KDM7A: variants seen among roughly 807,000 people sequenced by gnomAD.
KDM7A encodes the protein lysine demethylase 7A.
In KDM7A, 28 loss-of-function variants were observed where a neutral mutation model predicts 114.8. That is an observed-to-expected ratio of 0.24 (90% CI 0.18 to 0.33). KDM7A has a LOEUF of 0.33. KDM7A is among the 10% of genes least tolerant of loss of function. The pLI is 1.00. For missense variants in KDM7A, 942 were observed against 1,142.5 expected, an observed-to-expected ratio of 0.82 and a Z score of 2.53; for synonymous variants, 423 against 397.8, an observed-to-expected ratio of 1.06 and a Z score of -0.75.
At chr7:140,092,725 A>T (rs2116733895) in intron 18 of KDM7A, among the ~76,000 whole-genome samples, 1 of 152,328 alleles carries the variant, frequency 6.6e-6, no homozygotes, top group Non-Finnish European at 1.5e-5. Flanking sequence ...TGAATGTTTC[A>T]TGAAACCAGT....
intron 9 of KDM7A, among the ~76,000 whole-genome samples, chr7:140,118,772 ACATAAACTG>A (rs1818573096): frequency 2.0e-5 from 3 of 152,118 alleles, no homozygotes; most frequent in African/African-American, 7.2e-5. Flanking sequence ...CAGTCTCTTG[ACATAAACTG>A]CATTTTTGAG....
At chr7:140,133,116 C>A (rs1192053841) in intron 3 of KDM7A, among the ~76,000 whole-genome samples, 2 of 152,090 alleles carry the variant, frequency 1.3e-5, no homozygotes, top group African/African-American at 4.8e-5. Flanking sequence ...GGATGTAGGG[C>A]AGAGATGCAT....
chr7:140,172,505 T>G (rs1794656887), intron 1 of KDM7A, among the ~76,000 whole-genome samples: 3 of 151,744 alleles, frequency 2.0e-5, no homozygotes, highest in Non-Finnish European at 4.4e-5. Flanking sequence ...TACAAAAAAT[T>G]AGCTGGGCGC....
At chr7:140,160,887 C>T (rs1794511722) in intron 1 of KDM7A, among the ~76,000 whole-genome samples, 1 of 152,102 alleles carries the variant, frequency 6.6e-6, no homozygotes, top group Admixed American at 6.5e-5. Flanking sequence ...GGAAAGATGT[C>T]CCTGAACCAA....
chr7:140,153,117 C>G (rs146115731), intron 1 of KDM7A, among the ~76,000 whole-genome samples: 3,193 of 152,038 alleles, frequency 0.021, 116 homozygotes, highest in African/African-American at 0.073. Context: ...CTCGGCCTCC[C>G]AAAGTGCTGG....
At chr7:140,139,732 A>AT (rs1491143661) in intron 1 of KDM7A, among the ~76,000 whole-genome samples, 2 of 152,238 alleles carry the variant, frequency 1.3e-5, no homozygotes, top group African/African-American at 2.4e-5. Context: ...AATCAATGAC[A>AT]TAAAAAACAC....
chr7:140,163,826 C>T (rs1367423492), intron 1 of KDM7A, among the ~76,000 whole-genome samples: 1 of 151,868 alleles, frequency 6.6e-6, no homozygotes, highest in Non-Finnish European at 1.5e-5. Flanking sequence ...TTAATTTTGC[C>T]TCTCCTACAC....
At chr7:140,092,229 C>T in intron 18 of KDM7A, 152 bp from the exon 19 acceptor site, 1 of 680,050 alleles carries the variant, frequency 1.5e-6, no homozygotes, top group Admixed American at 2.8e-5. Context: ...ACCACTCCTG[C>T]ATGATGTCGT....
chr7:140,100,660 TTATATA>T (rs1244353345), intron 12 of KDM7A, among the ~76,000 whole-genome samples: 16 of 111,282 alleles, frequency 1.4e-4, no homozygotes, highest in African/African-American at 2.1e-4. Context: ...TTTTAAAAAG[TTATATA>T]TATATATATA....
intron 1 of KDM7A, among the ~76,000 whole-genome samples, chr7:140,161,458 T>C (rs571335947): frequency 2.0e-5 from 3 of 152,348 alleles, no homozygotes; most frequent in Middle Eastern, 3.4e-3. Flanking sequence ...AACTATTCTG[T>C]AGGGTTCCAG....
At position 140,133,409 on chromosome 7, in the gene KDM7A, G is replaced by T; in HGVS notation, c.398+130C>A. On this transcript the variant is annotated intron_variant, in intron 3 of 19. Coordinates refer to ENST00000397560, the MANE Select transcript of KDM7A (RefSeq NM_030647.2). The stretch of plus-strand genomic sequence containing the variant: ...TCTATTTCGTTAAGGAAGAAAAAAG[G>T]TGAAAAGCTGGCTGAGGACAATAAT... 5.4e-6 allele frequency: 3 copies of T among 553,400 alleles called. No individual in the cohort carries two copies. The South Asian group carries it at 8.8e-5, about 16-fold the overall frequency. The allele number at this position is 553,400 out of a possible 1,614,324, so 34.3% of individuals were successfully genotyped here.
At chr7:140,171,597 A>G (rs2116861886) in intron 1 of KDM7A, among the ~76,000 whole-genome samples, 1 of 141,572 alleles carries the variant, frequency 7.1e-6, no homozygotes, top group East Asian at 2.0e-4. Context: ...ATATAGTTGT[A>G]TTTATATATT....
At chr7:140,172,603 A>G (rs189316415) in intron 1 of KDM7A, among the ~76,000 whole-genome samples, 1 of 152,224 alleles carries the variant, frequency 6.6e-6, no homozygotes, top group Non-Finnish European at 1.5e-5. Context: ...CAGGGAGCTG[A>G]GATTGCGCCA....
At chr7:140,104,726 T>C (rs908358116) in intron 11 of KDM7A, among the ~76,000 whole-genome samples, 18 of 152,256 alleles carry the variant, frequency 1.2e-4, no homozygotes, top group Non-Finnish European at 2.5e-4. Context: ...TCAGGTAGCA[T>C]GATGCCTCCA....
intron 7 of KDM7A, among the ~76,000 whole-genome samples, chr7:140,120,798 G>A (rs781572228): frequency 3.9e-5 from 6 of 151,938 alleles, no homozygotes; most frequent in African/African-American, 1.5e-4. Flanking sequence ...ATAGAGATGG[G>A]GTCTCACTTT....
rs1161454131 is a variant in KDM7A, at chr7:140,176,915, A to ACCGCCGCCG, written c.14_22dup (p.Ala5_Ala7dup). 1 of 1,164,922 alleles carries ACCGCCGCCG rather than the reference A, an allele frequency of 8.6e-7. No individual in the cohort carries two copies. Among genetic ancestry groups the ACCGCCGCCG allele is most frequent in the African/African-American group, 1.7e-5 (1 of 60,124 alleles). 72.2% of individuals were successfully genotyped at this position (1,164,922 alleles called of 1,614,324 possible). A position where few individuals can be genotyped will look rare whatever the true frequency, so the allele number is the denominator to read the frequency against. Reference sequence around the variant, plus strand: ...GGCTCCAGCTGCTGCTCCCGCGGCCACCGCCGCCGCCGCTCCGGCCATCTT... The same window carrying ACCGCCGCCG: ...GGCTCCAGCTGCTGCTCCCGCGGCCACCGCCGCCGCCGCCGCCGCCGCTCCGGCCATCTT... On this transcript the variant is annotated inframe_insertion, in exon 1 of 20. Transcript: ENST00000397560. This position sits in a 1 kb window ranked among gnomAD's most constrained non-coding sequence, Gnocchi z 4.4.
intron 1 of KDM7A, among the ~76,000 whole-genome samples, chr7:140,156,293 T>C (rs982007451): frequency 1.3e-5 from 2 of 152,194 alleles, no homozygotes; most frequent in East Asian, 1.9e-4. Flanking sequence ...CACACAGACA[T>C]AGGTAAATGA....
At chr7:140,097,416 A>G in intron 15 of KDM7A, 129 bp downstream of exon 15, 1 of 577,446 alleles carries the variant, frequency 1.7e-6, no homozygotes, top group Admixed American at 3.4e-5. Flanking sequence ...ACCACAGAAG[A>G]CCCTGTGCTA....
At chr7:140,155,053 T>G (rs957564317) in intron 1 of KDM7A, among the ~76,000 whole-genome samples, 5 of 152,316 alleles carry the variant, frequency 3.3e-5, no homozygotes, top group African/African-American at 7.2e-5. Context: ...CAAAGCACGT[T>G]AATGAATACA....
Sources: allele counts gnomAD v4.1 joint callset (sites outside exome capture counted in the v4.1 genomes callset), GRCh38; gene constraint gnomAD v4.1.1; non-coding constraint Gnocchi (gnomAD v3.1); transcripts MANE v1.5; gene names NCBI Gene and HGNC (gene_info 2026-07-23, HGNC 2026-07-21).